MAN1A2: variants seen among roughly 807,000 people sequenced by gnomAD.
MAN1A2 encodes the protein mannosyl-oligosaccharide 1,2-alpha-mannosidase IB.
Under a neutral mutation model 75.7 loss-of-function variants are expected in MAN1A2, and 26 were observed. The ratio of observed to expected loss-of-function variants is 0.34; its 90% CI spans 0.25 to 0.48. MAN1A2 has a LOEUF of 0.48. Among genes scored for constraint, MAN1A2 ranks in the 20% least tolerant of loss-of-function variants. The pLI, the probability that MAN1A2 is intolerant of heterozygous loss-of-function variation, is 0.99. For synonymous variants in MAN1A2, 247 were observed against 264.6 expected (o/e 0.93, Z 0.65); for missense variants, 562 against 775.5 (o/e 0.72, Z 3.27).
intron 1 of MAN1A2, among the ~76,000 whole-genome samples, chr1:117,383,028 T>C (rs1320682432): frequency 6.6e-6 from 1 of 152,210 alleles, no homozygotes; most frequent in Non-Finnish European, 1.5e-5. Flanking sequence ...TTTATTTCTT[T>C]TTCCTGCCTA....
intron 9 of MAN1A2, among the ~76,000 whole-genome samples, chr1:117,496,142 A>G (rs3767801): frequency 0.26 from 39,177 of 151,718 alleles, 5,702 homozygotes; most frequent in East Asian, 0.47. Flanking sequence ...TTCAGAAAGA[A>G]AAGTTAACCA....
chr1:117,481,999 T>C (rs1233609958), intron 8 of MAN1A2, among the ~76,000 whole-genome samples: 2 of 151,868 alleles, frequency 1.3e-5, no homozygotes, highest in African/African-American at 4.8e-5. Context: ...ATTGGTGACA[T>C]CCAAATCAGC....
At chr1:117,392,941 C>A (rs1653778183) in intron 1 of MAN1A2, among the ~76,000 whole-genome samples, 1 of 152,152 alleles carries the variant, frequency 6.6e-6, no homozygotes, top group Admixed American at 6.5e-5. Flanking sequence ...TCTTTTTTAG[C>A]CTCTTTCATG....
intron 6 of MAN1A2, among the ~76,000 whole-genome samples, chr1:117,449,855 C>T (rs1649349859): frequency 6.6e-6 from 1 of 152,178 alleles, no homozygotes; most frequent in Admixed American, 6.5e-5. Flanking sequence ...TAACTCTCTT[C>T]ACGTCTGTGA....
intron 8 of MAN1A2, among the ~76,000 whole-genome samples, chr1:117,481,193 A>G (rs1650485200): frequency 6.6e-6 from 1 of 151,764 alleles, no homozygotes; most frequent in African/African-American, 2.4e-5. Context: ...CTTATGCTAT[A>G]TTAAACCTCT....
intron 1 of MAN1A2, among the ~76,000 whole-genome samples, chr1:117,381,583 C>G (rs531928483): frequency 1.3e-5 from 2 of 152,060 alleles, no homozygotes; most frequent in Non-Finnish European, 2.9e-5. Flanking sequence ...TCCAGTCTAT[C>G]GTTGTTGGAC....
intron 5 of MAN1A2, among the ~76,000 whole-genome samples, chr1:117,421,728 T>G (rs943032366): frequency 6.6e-6 from 1 of 152,106 alleles, no homozygotes. Context: ...ATTGTGTGAT[T>G]TGTTTATACC....
intron 8 of MAN1A2, among the ~76,000 whole-genome samples, chr1:117,475,471 C>G (rs568958302): frequency 1.3e-5 from 2 of 151,956 alleles, no homozygotes; most frequent in Admixed American, 1.3e-4. Context: ...CCCATCAACT[C>G]GTCATCTACG....
chr1:117,460,643 G>A (rs201705566), intron 7 of MAN1A2, 31 bp downstream of exon 7: 1 of 1,567,470 alleles, frequency 6.4e-7, no homozygotes, highest in East Asian at 2.3e-5. Context: ...TTCTTTGTTT[G>A]TTATAAAGAG....
At position 117,525,002 on chromosome 1, in the gene MAN1A2, A is replaced by G. The variant is rs915406764; in HGVS notation, c.*2045A>G. On this transcript the variant is annotated 3_prime_UTR_variant, in exon 13 of 13. Coordinates refer to ENST00000356554, the MANE Select transcript of MAN1A2 (RefSeq NM_006699.5). ...ACTTGAGTTGGCAAAGATGCAGAGC[A>G]GCAGTGCAGATGGCAATGAACTCTC... 3 of 434,098 alleles carry G rather than the reference A, an allele frequency of 6.9e-6. No homozygotes were observed. Among genetic ancestry groups the G allele is most frequent in the African/African-American group, 6.1e-5 (3 of 48,862 alleles). The allele number at this position is 434,098 out of a possible 1,614,324, so 26.9% of individuals were successfully genotyped here.
chr1:117,383,881 C>T (rs534631434), intron 1 of MAN1A2, among the ~76,000 whole-genome samples: 2 of 152,182 alleles, frequency 1.3e-5, no homozygotes, highest in African/African-American at 4.8e-5. Flanking sequence ...TCAGTCTCTT[C>T]AGTAGCTGGG....
chr1:117,433,926 A>G (rs1648763179), intron 5 of MAN1A2, among the ~76,000 whole-genome samples: 1 of 152,228 alleles, frequency 6.6e-6, no homozygotes, highest in African/African-American at 2.4e-5. Context: ...CGTGTTGCTT[A>G]CTACCTTAGT....
chr1:117,489,747 T>G (rs1029312035), intron 8 of MAN1A2, among the ~76,000 whole-genome samples: 4 of 152,058 alleles, frequency 2.6e-5, no homozygotes, highest in African/African-American at 9.7e-5. Context: ...TCTTTTGCAT[T>G]TTACTTTTAA....
chr1:117,372,551 A>G (rs1000393272), intron 1 of MAN1A2, among the ~76,000 whole-genome samples: 3 of 152,202 alleles, frequency 2.0e-5, no homozygotes, highest in Admixed American at 2.0e-4. Context: ...GAATTTTCAA[A>G]CACTGTAGAT....
chr1:117,452,917 G>A (rs1277570347), intron 6 of MAN1A2, among the ~76,000 whole-genome samples: 1 of 152,200 alleles, frequency 6.6e-6, no homozygotes, highest in Non-Finnish European at 1.5e-5. Flanking sequence ...GCTGACTCTT[G>A]TTGGGGGCTG....
intron 3 of MAN1A2, among the ~76,000 whole-genome samples, chr1:117,414,483 A>G (rs1269558940): frequency 6.6e-6 from 1 of 151,320 alleles, no homozygotes; most frequent in Non-Finnish European, 1.5e-5. Flanking sequence ...ATTTTTAGTA[A>G]AATATATTAA....
intron 12 of MAN1A2, chr1:117,514,829 T>C (rs746929039): frequency 3.8e-6 from 2 of 532,958 alleles, no homozygotes; most frequent in South Asian, 2.8e-5. Flanking sequence ...TTTTATCTTG[T>C]CTGCAACTGG....
At chr1:117,468,128 G>A (rs1650035996) in intron 8 of MAN1A2, among the ~76,000 whole-genome samples, 1 of 152,058 alleles carries the variant, frequency 6.6e-6, no homozygotes. Flanking sequence ...AGTTCCACAG[G>A]GCTGGGGAAG....
chr1:117,406,291 T>C (rs1647611799), intron 3 of MAN1A2, among the ~76,000 whole-genome samples: 1 of 152,202 alleles, frequency 6.6e-6, no homozygotes, highest in Admixed American at 6.5e-5. Flanking sequence ...AGCTACTCTT[T>C]GTAGTCTTCA....
Sources: allele counts gnomAD v4.1 joint callset (sites outside exome capture counted in the v4.1 genomes callset), GRCh38; gene constraint gnomAD v4.1.1; transcripts MANE v1.5; gene names NCBI Gene and HGNC (gene_info 2026-07-23, HGNC 2026-07-21).